The following SLC14A2 variants were observed in gnomAD, a reference collection of about 807,000 sequenced individuals.
The protein encoded by SLC14A2 is solute carrier family 14 member 2.
Under a neutral mutation model 104.6 loss-of-function variants are expected in SLC14A2, and 91 were observed. The ratio of observed to expected loss-of-function variants is 0.87; its 90% CI spans 0.73 to 1.04. The LOEUF is 1.04. Ranked by LOEUF, SLC14A2 falls within the 50% of genes least tolerant of loss-of-function variation. The pLI is 0.00. For missense variants in SLC14A2, 1,189 were observed against 1,156.0 expected, an observed-to-expected ratio of 1.03 and a Z score of -0.41; for synonymous variants, 476 against 466.4, an observed-to-expected ratio of 1.02 and a Z score of -0.27.
At chr18:45,579,849 C>T (rs1043486330) in intron 2 of SLC14A2, among the ~76,000 whole-genome samples, 1 of 152,120 alleles carries the variant, frequency 6.6e-6, no homozygotes, top group Non-Finnish European at 1.5e-5. Flanking sequence ...GTCTTTGCAG[C>T]TAAAGTAAAG....
At chr18:45,647,365 T>C (rs917207965) in intron 10 of SLC14A2, 9 of 152,244 alleles carry the variant, frequency 5.9e-5, no homozygotes, top group African/African-American at 1.9e-4. Context: ...TTTATCCCCT[T>C]CTCATTTCTA....
intron 1 of SLC14A2, among the ~76,000 whole-genome samples, chr18:45,265,958 A>C (rs1283684847): frequency 6.6e-6 from 1 of 152,208 alleles, no homozygotes; most frequent in Admixed American, 6.5e-5. Flanking sequence ...GGCAGAGACA[A>C]ACAGTAGTTA....
intron 1 of SLC14A2, among the ~76,000 whole-genome samples, chr18:45,338,939 C>CT (rs200884936): frequency 0.11 from 16,338 of 145,728 alleles, 884 homozygotes; most frequent in South Asian, 0.12. Context: ...ATTCTTATAC[C>CT]TTTTTTTTTT....
At chr18:45,252,983 G>A (rs1240297530) in intron 1 of SLC14A2, among the ~76,000 whole-genome samples, 1 of 152,084 alleles carries the variant, frequency 6.6e-6, no homozygotes, top group Non-Finnish European at 1.5e-5. Flanking sequence ...ATTCAAAAAA[G>A]ATGGATGTTG....
chr18:45,292,338 G>A (rs1306013836), intron 1 of SLC14A2, among the ~76,000 whole-genome samples: 1 of 152,132 alleles, frequency 6.6e-6, no homozygotes, highest in African/African-American at 2.4e-5. Context: ...CTAAGTAGGT[G>A]CAATACTTTA....
chr18:45,457,628 G>A (rs1365770461), intron 1 of SLC14A2, among the ~76,000 whole-genome samples: 1 of 151,866 alleles, frequency 6.6e-6, no homozygotes, highest in Non-Finnish European at 1.5e-5. Context: ...AGGGTCACTG[G>A]TAGTGACCTG....
intron 13 of SLC14A2, 27 bp downstream of exon 13, chr18:45,667,121 C>A: frequency 1.9e-6 from 3 of 1,592,226 alleles, no homozygotes; most frequent in South Asian, 1.1e-5. Context: ...ACAACACTGA[C>A]CCTGACCCTA....
chr18:45,671,411 G>C (rs1038865601), intron 16 of SLC14A2, among the ~76,000 whole-genome samples: 1 of 152,044 alleles, frequency 6.6e-6, no homozygotes, highest in Non-Finnish European at 1.5e-5. Flanking sequence ...TTTAAAATTA[G>C]AGCCTTGAGT....
chr18:45,401,082 G>C (rs946284203), intron 1 of SLC14A2, among the ~76,000 whole-genome samples: 1 of 152,128 alleles, frequency 6.6e-6, no homozygotes, highest in African/African-American at 2.4e-5. Context: ...AGAACCTCTA[G>C]GGTGTTGCTG....
At chr18:45,635,248 G>A (rs1419207471) in intron 5 of SLC14A2, among the ~76,000 whole-genome samples, 1 of 152,124 alleles carries the variant, frequency 6.6e-6, no homozygotes, top group Non-Finnish European at 1.5e-5. Flanking sequence ...AGATTTGGGA[G>A]GTGGAAACAC....
At chr18:45,611,400 G>A (rs1290800340), upstream of SLC14A2, among the ~76,000 whole-genome samples, 1 of 152,142 alleles carries the variant, frequency 6.6e-6, no homozygotes, top group Non-Finnish European at 1.5e-5. Context: ...GGTAGCTCAA[G>A]GGCCTAAAGG....
chr18:45,621,735 T>C (rs2045174492), intron 1 of SLC14A2, among the ~76,000 whole-genome samples: 1 of 152,090 alleles, frequency 6.6e-6, no homozygotes, highest in Non-Finnish European at 1.5e-5. Flanking sequence ...ATAGAAACCA[T>C]ACAAATAAAT....
chr18:45,578,774 T>A (rs183964677), intron 2 of SLC14A2, among the ~76,000 whole-genome samples: 2 of 152,242 alleles, frequency 1.3e-5, no homozygotes, highest in East Asian at 3.8e-4. Context: ...TCCTGTCCTT[T>A]TCTCTCACAG....
chr18:45,529,954 TC>T (rs1479257779), intron 2 of SLC14A2: 1 of 152,188 alleles, frequency 6.6e-6, no homozygotes, highest in Non-Finnish European at 1.5e-5. Context: ...TCACATCTAC[TC>T]CTACAAGAAG....
intron 1 of SLC14A2, among the ~76,000 whole-genome samples, chr18:45,420,207 C>T (rs976485449): frequency 2.6e-5 from 4 of 152,268 alleles, no homozygotes; most frequent in Admixed American, 2.0e-4. Flanking sequence ...GTTCCCCACC[C>T]GAATCTCTCC....
At chr18:45,446,775 G>A (rs555243478) in intron 1 of SLC14A2, among the ~76,000 whole-genome samples, 1 of 152,160 alleles carries the variant, frequency 6.6e-6, no homozygotes, top group Non-Finnish European at 1.5e-5. Flanking sequence ...TGAATAGGGG[G>A]TTAGGGAAGA....
chr18:45,184,797 A>G, the SLC14A2 span, among the ~76,000 whole-genome samples: 1 of 152,252 alleles, frequency 6.6e-6, no homozygotes, highest in Non-Finnish European at 1.5e-5. Flanking sequence ...TGAATCCAGA[A>G]GTAGAGCAGG....
intron 2 of SLC14A2, among the ~76,000 whole-genome samples, chr18:45,513,332 A>G (rs1018872248): frequency 5.9e-5 from 9 of 152,206 alleles, no homozygotes; most frequent in Non-Finnish European, 1.3e-4. Context: ...CCTTTCTCAG[A>G]GAAACATTCA....
At chr18:45,575,396 G>A (rs987392374) in intron 2 of SLC14A2, among the ~76,000 whole-genome samples, 4 of 152,162 alleles carry the variant, frequency 2.6e-5, no homozygotes, top group Non-Finnish European at 5.9e-5. Context: ...CCACTTTGAT[G>A]GAGAACTCAG....
Sources: gnomAD v4.1 joint callset for allele counts (sites outside exome capture counted in the v4.1 genomes callset) on GRCh38, gnomAD v4.1.1 for gene constraint, MANE v1.5 for transcripts, NCBI Gene and HGNC (gene_info 2026-07-23, HGNC 2026-07-21) for gene names.